The following SRBD1 variants were observed in gnomAD, a reference collection of about 807,000 sequenced individuals.
SRBD1 encodes the protein S1 RNA-binding domain-containing protein 1.
A neutral mutation model predicts 115.3 loss-of-function variants in SRBD1; 88 were observed. That is an observed-to-expected ratio of 0.76 (90% confidence interval 0.64 to 0.91). The LOEUF (loss-of-function observed/expected upper bound fraction) is 0.91. Ranked by LOEUF, SRBD1 falls within the 40% of genes least tolerant of loss-of-function variation. SRBD1 has a pLI of 0.00. For missense variants in SRBD1, 1,385 were observed against 1,177.4 expected (o/e 1.18, Z -2.58); for synonymous variants, 509 against 407.7 (o/e 1.25, Z -2.99).
intron 17 of SRBD1, among the ~76,000 whole-genome samples, chr2:45,419,414 A>T (rs1255437011): frequency 1.3e-5 from 2 of 152,214 alleles, no homozygotes; most frequent in East Asian, 3.9e-4. Flanking sequence ...CTCAGAATTT[A>T]TCTTTTGGTT....
intron 19 of SRBD1, among the ~76,000 whole-genome samples, chr2:45,403,689 T>G (rs1175950584): frequency 6.6e-6 from 1 of 152,156 alleles, no homozygotes; most frequent in Non-Finnish European, 1.5e-5. Flanking sequence ...TTTACTATGA[T>G]ATTCTACTAT....
At chr2:45,586,723 T>A (rs909644146) in intron 4 of SRBD1, among the ~76,000 whole-genome samples, 1 of 151,186 alleles carries the variant, frequency 6.6e-6, no homozygotes, top group Non-Finnish European at 1.5e-5. Flanking sequence ...TTTTTTTTTT[T>A]ATTAGTGGAA....
chr2:45,427,684 T>A (rs947836578), intron 16 of SRBD1, among the ~76,000 whole-genome samples: 1 of 152,070 alleles, frequency 6.6e-6, no homozygotes, highest in East Asian at 1.9e-4. Flanking sequence ...CAGGCCAATA[T>A]CCCTGATGAA....
At chr2:45,510,790 T>A (rs967684141) in intron 14 of SRBD1, among the ~76,000 whole-genome samples, 1 of 152,162 alleles carries the variant, frequency 6.6e-6, no homozygotes. Flanking sequence ...GTACAAGAAA[T>A]TTTTTTTCTA....
chr2:45,472,532 G>C (rs569233419), intron 16 of SRBD1, among the ~76,000 whole-genome samples: 3 of 152,162 alleles, frequency 2.0e-5, no homozygotes, highest in Non-Finnish European at 4.4e-5. Flanking sequence ...GAGTGCAGTG[G>C]CTATGCAAAG....
rs376413275 is a variant in SRBD1, at chr2:45,418,559, G to A, written c.2157-18C>T. On this transcript the variant is annotated intron_variant, in intron 17 of 20. Transcript: ENST00000263736. ...CAATATGCCTAGAAAAAAAAAATAA[G>A]CAAACTGAAAAAAAGATCTCATCTG... The A allele has an allele frequency of 6.4e-7, 1 of 1,553,422 alleles. No individual in the cohort carries two copies. The highest frequency in any genetic ancestry group is 8.7e-7 in the Non-Finnish European group (1 of 1,152,448).
At chr2:45,406,904 T>C (rs888230040) in intron 19 of SRBD1, among the ~76,000 whole-genome samples, 1 of 152,152 alleles carries the variant, frequency 6.6e-6, no homozygotes, top group Non-Finnish European at 1.5e-5. Flanking sequence ...GAAGCACATG[T>C]AACACAAGCC....
At chr2:45,430,561 T>C (rs1220230676) in intron 16 of SRBD1, among the ~76,000 whole-genome samples, 1 of 152,178 alleles carries the variant, frequency 6.6e-6, no homozygotes, top group Non-Finnish European at 1.5e-5. Context: ...TCCTATTTAA[T>C]AAATGGTGTT....
chr2:45,423,100 G>A (rs1308683021), intron 16 of SRBD1, among the ~76,000 whole-genome samples: 2 of 152,110 alleles, frequency 1.3e-5, no homozygotes, highest in Non-Finnish European at 2.9e-5. Flanking sequence ...TTTTATAAAT[G>A]TGCAAAACAA....
chr2:45,543,448 G>C (rs1672010498), intron 14 of SRBD1, among the ~76,000 whole-genome samples: 1 of 152,208 alleles, frequency 6.6e-6, no homozygotes, highest in Non-Finnish European at 1.5e-5. Context: ...GGAAGGAACA[G>C]ATAAGAGGAA....
chr2:45,440,503 A>T (rs978607004), intron 16 of SRBD1, among the ~76,000 whole-genome samples: 1 of 152,186 alleles, frequency 6.6e-6, no homozygotes, highest in Non-Finnish European at 1.5e-5. Flanking sequence ...GAACTGGACC[A>T]CACCTATCTG....
chr2:45,405,052 T>A (rs1667393344), intron 19 of SRBD1, among the ~76,000 whole-genome samples: 1 of 152,136 alleles, frequency 6.6e-6, no homozygotes, highest in Admixed American at 6.6e-5. Context: ...TTTCAAACCC[T>A]TACCCACAAT....
At position 45,437,040 on chromosome 2, in the gene SRBD1, A is replaced by T. The variant is rs1023566076; in HGVS notation, c.2050-17146T>A. Among the ~76,000 whole-genome samples the T allele has an allele frequency of 5.9e-5, 9 of 152,196 alleles. 1 individual carries two copies. The highest frequency in any genetic ancestry group is 2.2e-4 in the African/African-American group (9 of 41,454). ...TACATTAGCACCCTCCAAAAGCTTA[A>T]AGTATAAATCTAATAAGATATGTAT... is the stretch of plus-strand genomic sequence containing the variant. On this transcript the variant is annotated intron_variant, in intron 16 of 20. Coordinates refer to ENST00000263736, the MANE Select transcript of SRBD1 (RefSeq NM_018079.5).
intron 14 of SRBD1, among the ~76,000 whole-genome samples, chr2:45,535,355 AT>A (rs1203081436): frequency 6.6e-6 from 1 of 152,014 alleles, no homozygotes; most frequent in African/African-American, 2.4e-5. Flanking sequence ...AAAATGTTTT[AT>A]TTGTAAGAAA....
At chr2:45,597,605 A>G (rs189433089) in intron 4 of SRBD1, among the ~76,000 whole-genome samples, 2 of 152,318 alleles carry the variant, frequency 1.3e-5, no homozygotes, top group East Asian at 3.9e-4. Flanking sequence ...GGTGATTATA[A>G]GACACCAGAT....
At chr2:45,445,255 C>G (rs1169299249) in intron 16 of SRBD1, among the ~76,000 whole-genome samples, 1 of 152,010 alleles carries the variant, frequency 6.6e-6, no homozygotes, top group Non-Finnish European at 1.5e-5. Context: ...TTTTCATCAC[C>G]CCATAAACAT....
At chr2:45,499,688 G>A (rs1558436458) in intron 14 of SRBD1, among the ~76,000 whole-genome samples, 3 of 151,994 alleles carry the variant, frequency 2.0e-5, no homozygotes, top group Admixed American at 6.6e-5. Flanking sequence ...TAAAAAACGG[G>A]GATCTAGTTT....
intron 10 of SRBD1, among the ~76,000 whole-genome samples, chr2:45,561,953 A>G (rs989158088): frequency 6.6e-6 from 1 of 152,214 alleles, no homozygotes; most frequent in African/African-American, 2.4e-5. Context: ...CATCATCCTT[A>G]AAGAGCTAAA....
intron 16 of SRBD1, among the ~76,000 whole-genome samples, chr2:45,456,764 T>C (rs1305023367): frequency 6.6e-6 from 1 of 151,936 alleles, no homozygotes; most frequent in Non-Finnish European, 1.5e-5. Flanking sequence ...CAACATATGA[T>C]GCTACTGGGA....
Sources: gnomAD v4.1 joint callset for allele counts (sites outside exome capture counted in the v4.1 genomes callset) on GRCh38, gnomAD v4.1.1 for gene constraint, MANE v1.5 for transcripts, NCBI Gene and HGNC (gene_info 2026-07-23, HGNC 2026-07-21) for gene names.